Variants in PRKAR1B observed in about 807,000 individuals in gnomAD.
PRKAR1B encodes protein kinase cAMP-dependent type I regulatory subunit beta, also known as cAMP-dependent protein kinase type I-beta regulatory subunit.
In PRKAR1B, 22 loss-of-function variants were observed where a neutral mutation model predicts 46.5. That is an observed-to-expected ratio of 0.47 (90% CI 0.34 to 0.68). The LOEUF is 0.68. PRKAR1B is among the 30% of genes least tolerant of loss of function. The pLI, the probability that PRKAR1B is intolerant of heterozygous loss-of-function variation, is 0.01. For synonymous variants in PRKAR1B, 259 were observed against 217.7 expected (o/e 1.19, Z -1.67); for missense variants, 445 against 535.6 (o/e 0.83, Z 1.67).
At chr7:693,428 C>T (rs879696506) in intron 2 of PRKAR1B, among the ~76,000 whole-genome samples, 55 of 152,012 alleles carry the variant, frequency 3.6e-4, no homozygotes, top group Non-Finnish European at 4.6e-4. Flanking sequence ...CCCCAGCCCC[C>T]GACAGCCCCG....
At chr7:551,308 C>A (rs972598239) in intron 10 of PRKAR1B, 81 bp downstream of exon 10, 15 of 1,361,758 alleles carry the variant, frequency 1.1e-5, no homozygotes, top group Non-Finnish European at 1.4e-5. Flanking sequence ...CCCCCAGCAG[C>A]TCCTCACCTC....
At chr7:685,365 C>T (rs1231380876) in intron 2 of PRKAR1B, among the ~76,000 whole-genome samples, 485 of 41,274 alleles carry the variant, frequency 0.012, 3 homozygotes, top group Admixed American at 0.018. Flanking sequence ...TATATATATA[C>T]ACATATATAT....
At chr7:652,431 G>A (rs1414573571) in intron 4 of PRKAR1B, among the ~76,000 whole-genome samples, 14 of 148,656 alleles carry the variant, frequency 9.4e-5, no homozygotes, top group African/African-American at 3.2e-4. Flanking sequence ...AACCCCTCTC[G>A]GAAGACAGTT....
chr7:619,539 G>A (rs1783003226), intron 4 of PRKAR1B, among the ~76,000 whole-genome samples: 1 of 152,210 alleles, frequency 6.6e-6, no homozygotes, highest in Non-Finnish European at 1.5e-5. Flanking sequence ...TGGTGGTGCT[G>A]GGATTCAAAA....
chr7:708,728 C>A (rs1234188967), intron 2 of PRKAR1B, among the ~76,000 whole-genome samples: 1 of 151,758 alleles, frequency 6.6e-6, no homozygotes, highest in African/African-American at 2.4e-5. Context: ...TGCAAGCGAT[C>A]CACCCTCCTG....
chr7:555,698 C>T (rs1038337823), intron 9 of PRKAR1B, among the ~76,000 whole-genome samples: 8 of 152,184 alleles, frequency 5.3e-5, no homozygotes, highest in African/African-American at 7.2e-5. Flanking sequence ...TTCTCCACTT[C>T]GCAGATGGAA....
intron 4 of PRKAR1B, among the ~76,000 whole-genome samples, chr7:621,173 A>G (rs1277869857): frequency 6.6e-6 from 1 of 152,066 alleles, no homozygotes; most frequent in Non-Finnish European, 1.5e-5. Context: ...CTTGTTTTCT[A>G]TTTTCTGTAG....
rs1269551447 is a variant in PRKAR1B, at chr7:677,209, C to A, written c.440+20G>T. 1 of 1,613,052 alleles carries A rather than the reference C, an allele frequency of 6.2e-7. No homozygotes were observed. The highest frequency in any genetic ancestry group is 8.5e-7 in the Non-Finnish European group (1 of 1,179,066). On this transcript the variant is annotated intron_variant, in intron 4 of 10. Coordinates refer to ENST00000537384, the MANE Select transcript of PRKAR1B (RefSeq NM_001164760.2). ...GAGGAGGGCGGCGGTGATGCCGGGG[C>A]AGGGGACGAGTCTGCCTACCTCCTC...
chr7:635,802 C>G (rs1784015044), intron 4 of PRKAR1B, among the ~76,000 whole-genome samples: 1 of 152,034 alleles, frequency 6.6e-6, no homozygotes, highest in South Asian at 2.1e-4. Context: ...GGAGTTGGTC[C>G]AAATCACAGC....
intron 4 of PRKAR1B, among the ~76,000 whole-genome samples, chr7:611,105 G>A (rs1319175076): frequency 6.6e-6 from 1 of 152,228 alleles, no homozygotes; most frequent in East Asian, 1.9e-4. Flanking sequence ...TTCCAGATAA[G>A]GAAACAAGAC....
At chr7:699,761 G>T (rs1204538956) in intron 2 of PRKAR1B, among the ~76,000 whole-genome samples, 1 of 152,220 alleles carries the variant, frequency 6.6e-6, no homozygotes, top group Admixed American at 6.5e-5. Flanking sequence ...GGCTGCAGTG[G>T]AGAGGCAAGC....
rs556395386 is a variant in PRKAR1B, at chr7:600,542, C to G, written c.550-4238G>C. Among the ~76,000 whole-genome samples, 31 of 152,348 alleles carry G rather than the reference C, an allele frequency of 2.0e-4. No homozygotes were observed. The South Asian group carries it at 6.2e-3, about 31-fold the overall frequency. ...AAACACACAGAACACAAGACACAAC[C>G]TGAATAACATCTGATCAGATCACCA... On this transcript the variant is annotated intron_variant, in intron 6 of 10. Coordinates refer to ENST00000537384, the MANE Select transcript of PRKAR1B (RefSeq NM_001164760.2).
At position 711,484 on chromosome 7, in the gene PRKAR1B, G is replaced by A; in HGVS notation, c.22C>T (p.Pro8Ser). MASPPAC[P>S]SEEDESLKGC... ...TTCAGGCTCTCGTCCTCCTCCGAGG[G>A]GCAGGCGGGCGGGGAGGCCATGGCG... The change falls in exon 2 of 11, where the codon CCC (proline) becomes TCC (serine). Residue 8 changes from proline to serine, a missense_variant. Transcript: ENST00000537384. 1 of 1,613,360 alleles carries A rather than the reference G, an allele frequency of 6.2e-7. No individual in the cohort carries two copies. Among genetic ancestry groups the A allele is most frequent in the Non-Finnish European group, 8.5e-7 (1 of 1,179,730 alleles).
In PRKAR1B at chr7:697,430, C is replaced by T. The variant is rs138646813; in HGVS notation, c.177+13899G>A. Among the ~76,000 whole-genome samples, 145 of 152,264 alleles carry T rather than the reference C, an allele frequency of 9.5e-4. 1 individual carries two copies. Among genetic ancestry groups the T allele is most frequent in the African/African-American group, 3.2e-3 (133 of 41,550 alleles). On this transcript the variant is annotated intron_variant, in intron 2 of 10. Transcript: ENST00000537384. ...CCCACTGAAAGGGTTTTCTGAGAGGCGGCTGATCCACCCCGCCTGATGCCT... is the reference window on the plus strand; with the variant it reads ...CCCACTGAAAGGGTTTTCTGAGAGGTGGCTGATCCACCCCGCCTGATGCCT...
intron 4 of PRKAR1B, among the ~76,000 whole-genome samples, chr7:673,065 A>AAAC (rs1583397608): frequency 1.4e-5 from 2 of 142,378 alleles, no homozygotes; most frequent in Admixed American, 7.0e-5. Context: ...AAAAAAAAAA[A>AAAC]AAAAAAAAAA....
At chr7:618,166 A>G (rs1254133019) in intron 4 of PRKAR1B, among the ~76,000 whole-genome samples, 2 of 152,198 alleles carry the variant, frequency 1.3e-5, no homozygotes, top group Admixed American at 1.3e-4. Context: ...CCCTGCACTC[A>G]GCTCACAGGC....
chr7:584,619 G>T, intron 7 of PRKAR1B, 51 bp from the exon 8 acceptor site: 3 of 1,477,834 alleles, frequency 2.0e-6, no homozygotes, highest in Non-Finnish European at 2.8e-6. Context: ...TTCATACCTG[G>T]ATCATCCTGA....
intron 2 of PRKAR1B, among the ~76,000 whole-genome samples, chr7:690,286 ACT>A (rs1340293121): frequency 1.3e-5 from 2 of 150,058 alleles, no homozygotes; most frequent in Non-Finnish European, 3.0e-5. Context: ...ACAGAGTGAG[ACT>A]CTGTCTCAAA....
At chr7:606,373 T>A (rs1469591354) in intron 5 of PRKAR1B, 134 bp from the exon 6 acceptor site, 5 of 648,660 alleles carry the variant, frequency 7.7e-6, no homozygotes, top group Non-Finnish European at 1.1e-5. Flanking sequence ...CCAATTCTTT[T>A]TAATGACAAG....
Sources: allele counts gnomAD v4.1 joint callset (sites outside exome capture counted in the v4.1 genomes callset), GRCh38; gene constraint gnomAD v4.1.1; transcripts MANE v1.5; gene names NCBI Gene and HGNC (gene_info 2026-07-23, HGNC 2026-07-21).